Variants in EPB41L3 observed in about 807,000 individuals in gnomAD.
EPB41L3 encodes the protein band 4.1-like protein 3.
EPB41L3 carries 57 observed loss-of-function variants against 127.1 expected under a neutral mutation model. The observed-to-expected ratio is 0.45, with a 90% CI of 0.36 to 0.56. The LOEUF (loss-of-function observed/expected upper bound fraction) is 0.56. Ranked by LOEUF, EPB41L3 falls within the 20% of genes least tolerant of loss-of-function variation. The probability of loss-of-function intolerance (pLI) is 0.00; values close to 1 mark genes in which losing one functional copy is unlikely to be tolerated. For missense variants in EPB41L3, 1,273 were observed against 1,372.2 expected, an observed-to-expected ratio of 0.93 and a Z score of 1.14; for synonymous variants, 572 against 549.5, an observed-to-expected ratio of 1.04 and a Z score of -0.57.
chr18:5,448,242 C>T (rs1599062441), intron 3 of EPB41L3, among the ~76,000 whole-genome samples: 1 of 152,188 alleles, frequency 6.6e-6, no homozygotes, highest in Non-Finnish European at 1.5e-5. Flanking sequence ...TCCTTCTACA[C>T]GTCATGATGA....
chr18:5,531,606 C>T (rs2093411712), intron 1 of EPB41L3, among the ~76,000 whole-genome samples: 1 of 151,532 alleles, frequency 6.6e-6, no homozygotes, highest in South Asian at 2.1e-4. Context: ...GCCTGTAATC[C>T]CAGCTACTCA....
At chr18:5,458,335 T>A (rs2083431758) in intron 3 of EPB41L3, among the ~76,000 whole-genome samples, 1 of 152,150 alleles carries the variant, frequency 6.6e-6, no homozygotes, top group Non-Finnish European at 1.5e-5. Context: ...CCCCAAGGAG[T>A]AAGTGGTCTT....
chr18:5,420,940 A>T (rs1474641783), intron 11 of EPB41L3, among the ~76,000 whole-genome samples: 1 of 151,532 alleles, frequency 6.6e-6, no homozygotes, highest in Non-Finnish European at 1.5e-5. Context: ...GACATTTTAT[A>T]TCTCTTTACA....
chr18:5,518,205 T>C (rs1489097401), intron 1 of EPB41L3, among the ~76,000 whole-genome samples: 1 of 152,062 alleles, frequency 6.6e-6, no homozygotes, highest in Admixed American at 6.6e-5. Context: ...CTGCCACCCA[T>C]GGCCCCGTTT....
intron 3 of EPB41L3, among the ~76,000 whole-genome samples, chr18:5,593,349 C>T (rs979534156): frequency 6.6e-6 from 1 of 152,000 alleles, no homozygotes; most frequent in East Asian, 1.9e-4. Context: ...TAAAGCTGGG[C>T]GTCCGAGGGA....
chr18:5,396,081 T>G lies in EPB41L3; in HGVS notation c.2973+120A>C, dbSNP rs115131748. Reference sequence around the variant, plus strand: ...ATTGCATCACTTTTAATAGAAATGGTCTGGCTGCTGGATCCTCTAAGTCTC... The same window carrying G: ...ATTGCATCACTTTTAATAGAAATGGGCTGGCTGCTGGATCCTCTAAGTCTC... On this transcript the variant is annotated intron_variant, in intron 19 of 22. Coordinates refer to ENST00000341928, the MANE Select transcript of EPB41L3 (RefSeq NM_012307.5). 172 of 1,234,486 alleles carry G rather than the reference T, an allele frequency of 1.4e-4. No homozygotes were observed. In the African/African-American group the frequency reaches 2.2e-3, roughly 16 times the overall value. The allele number at this position is 1,234,486 out of a possible 1,614,324, so 76.5% of individuals were successfully genotyped here.
At chr18:5,535,840 G>C (rs955544830) in intron 1 of EPB41L3, among the ~76,000 whole-genome samples, 1 of 152,204 alleles carries the variant, frequency 6.6e-6, no homozygotes, top group African/African-American at 2.4e-5. Flanking sequence ...AATGGAATAT[G>C]ACATTTGTTA....
chr18:5,562,439 T>TA (rs1350162618), intron 3 of EPB41L3, among the ~76,000 whole-genome samples: 2 of 152,158 alleles, frequency 1.3e-5, no homozygotes, highest in Non-Finnish European at 2.9e-5. Flanking sequence ...AGAGAAGCAT[T>TA]AGTCATATGA....
intron 1 of EPB41L3, among the ~76,000 whole-genome samples, chr18:5,536,846 C>T (rs1003987097): frequency 7.2e-5 from 11 of 151,798 alleles, no homozygotes; most frequent in Admixed American, 3.9e-4. Flanking sequence ...AACAAACAAA[C>T]GAAACAAACA....
At chr18:5,478,832 C>G (rs1445198286) in intron 2 of EPB41L3, among the ~76,000 whole-genome samples, 1 of 152,184 alleles carries the variant, frequency 6.6e-6, no homozygotes, top group African/African-American at 2.4e-5. Context: ...CTTCTATACT[C>G]TACAACTTGT....
Position 5,404,457 on chromosome 18 carries a change from T to C in EPB41L3, c.2349+2320A>G, listed in dbSNP as rs938889498. Among the ~76,000 whole-genome samples the C allele has an allele frequency of 9.2e-5, 14 of 152,318 alleles. 2 individuals are homozygous for C. The highest frequency in any genetic ancestry group is 6.5e-4 in the Admixed American group (10 of 15,304). On this transcript the variant is annotated intron_variant, in intron 16 of 22. Coordinates refer to ENST00000341928, the MANE Select transcript of EPB41L3 (RefSeq NM_012307.5). ...AGGGCATGTTTTTCTTCCTTAATTA[T>C]GCTGAAAAAATCCTTTCCTGGCGTT... is the stretch of plus-strand genomic sequence containing the variant.
chr18:5,542,955 G>T (rs2093776953), intron 1 of EPB41L3, among the ~76,000 whole-genome samples: 1 of 152,112 alleles, frequency 6.6e-6, no homozygotes, highest in African/African-American at 2.4e-5. Context: ...AACTGGCTGC[G>T]ACCCCAACTC....
chr18:5,496,230 G>T (rs189162887), intron 1 of EPB41L3, among the ~76,000 whole-genome samples: 55 of 152,278 alleles, frequency 3.6e-4, no homozygotes, highest in South Asian at 1.4e-3. Flanking sequence ...AGAATATATA[G>T]AGAGAGATAT....
At chr18:5,614,675 G>GA (rs112993332) in intron 1 of EPB41L3, among the ~76,000 whole-genome samples, 44,844 of 151,878 alleles carry the variant, frequency 0.3, 7,271 homozygotes, top group Middle Eastern at 0.38. Flanking sequence ...TGATTCTTAG[G>GA]AAAAAACCCC....
intron 3 of EPB41L3, among the ~76,000 whole-genome samples, chr18:5,473,986 C>T (rs2086656374): frequency 6.6e-6 from 1 of 152,092 alleles, no homozygotes; most frequent in Non-Finnish European, 1.5e-5. Flanking sequence ...AATCCCAGCA[C>T]TTTGGGAGGC....
intron 15 of EPB41L3, 90 bp downstream of exon 15, chr18:5,407,611 T>C (rs1030096257): frequency 2.5e-5 from 35 of 1,376,586 alleles, no homozygotes; most frequent in East Asian, 6.9e-5. Flanking sequence ...CAGAGCATGC[T>C]GAAAGATCTG....
At chr18:5,488,709 G>T in intron 2 of EPB41L3, 1 of 339,974 alleles carries the variant, frequency 2.9e-6, no homozygotes, top group Non-Finnish European at 5.2e-6. Context: ...CATAATTAAA[G>T]CTCTCAGTTT....
At chr18:5,468,808 T>TG (rs1316088980) in intron 3 of EPB41L3, among the ~76,000 whole-genome samples, 1 of 152,082 alleles carries the variant, frequency 6.6e-6, no homozygotes, top group African/African-American at 2.4e-5. Context: ...CCCAGCTACT[T>TG]GGGAAGCTGA....
intron 1 of EPB41L3, among the ~76,000 whole-genome samples, chr18:5,541,135 C>A (rs1299680913): frequency 7.0e-6 from 1 of 142,286 alleles, no homozygotes; most frequent in Non-Finnish European, 1.5e-5. Context: ...CGCCTATAAT[C>A]CCAGCTACTC....
Sources: gnomAD v4.1 joint callset for allele counts (sites outside exome capture counted in the v4.1 genomes callset) on GRCh38, gnomAD v4.1.1 for gene constraint, MANE v1.5 for transcripts, NCBI Gene and HGNC (gene_info 2026-07-23, HGNC 2026-07-21) for gene names.